Variants in PDE4D observed in about 807,000 individuals in gnomAD.
The protein encoded by PDE4D is 3',5'-cyclic-AMP phosphodiesterase 4D.
A neutral mutation model predicts 87.4 loss-of-function variants in PDE4D; 24 were observed. That is an observed-to-expected ratio of 0.27 (90% CI 0.20 to 0.39). PDE4D has a LOEUF of 0.39. Among genes scored for constraint, PDE4D ranks in the 10% least tolerant of loss-of-function variants. PDE4D has a pLI of 1.00. For missense variants in PDE4D, 714 were observed against 1,041.0 expected (o/e 0.69, Z 4.32); for synonymous variants, 384 against 383.2 (o/e 1.00, Z -0.02).
chr5:60,235,822 A>C (rs909756088), intron 1 of PDE4D, among the ~76,000 whole-genome samples: 1 of 151,886 alleles, frequency 6.6e-6, no homozygotes, highest in Non-Finnish European at 1.5e-5. Flanking sequence ...AAAATATTTC[A>C]ATATAACAGA....
intron 1 of PDE4D, among the ~76,000 whole-genome samples, chr5:60,497,855 A>G (rs1749890581): frequency 6.6e-6 from 1 of 152,166 alleles, no homozygotes; most frequent in South Asian, 2.1e-4. Flanking sequence ...CTGGTATATT[A>G]CAGACTTTGA....
At chr5:59,657,031 G>A (rs981906384) in intron 1 of PDE4D, among the ~76,000 whole-genome samples, 4 of 151,974 alleles carry the variant, frequency 2.6e-5, no homozygotes, top group Non-Finnish European at 5.9e-5. Flanking sequence ...AAAATATGAG[G>A]CACGTGGCAA....
chr5:60,177,849 C>T (rs1784056822), intron 2 of PDE4D, among the ~76,000 whole-genome samples: 1 of 151,988 alleles, frequency 6.6e-6, no homozygotes, highest in Non-Finnish European at 1.5e-5. Context: ...TAAAGCTAAG[C>T]CACAAGATAA....
chr5:59,973,269 A>C (rs1372847871), intron 3 of PDE4D, among the ~76,000 whole-genome samples: 1 of 152,202 alleles, frequency 6.6e-6, no homozygotes, highest in Non-Finnish European at 1.5e-5. Context: ...TGTGAGAAAA[A>C]TAAAAAACCA....
At chr5:60,030,935 A>G (rs1464384005) in intron 2 of PDE4D, 5 of 152,194 alleles carry the variant, frequency 3.3e-5, no homozygotes, top group African/African-American at 1.2e-4. Context: ...CAGTTGATGG[A>G]CCACTGCAAT....
chr5:59,154,493 A>C (rs1255280942), intron 5 of PDE4D, among the ~76,000 whole-genome samples: 4 of 152,172 alleles, frequency 2.6e-5, no homozygotes, highest in Admixed American at 1.3e-4. Flanking sequence ...TAGTACTATA[A>C]TTCAGGGGAG....
At chr5:59,455,509 G>C (rs1408374266) in intron 1 of PDE4D, among the ~76,000 whole-genome samples, 1 of 152,250 alleles carries the variant, frequency 6.6e-6, no homozygotes, top group African/African-American at 2.4e-5. Flanking sequence ...TCAGGCAAAA[G>C]TTTGCTGCAG....
chr5:59,856,118 C>G (rs1204227627), intron 1 of PDE4D, among the ~76,000 whole-genome samples: 1 of 152,152 alleles, frequency 6.6e-6, no homozygotes, highest in East Asian at 1.9e-4. Flanking sequence ...AGAATCATAT[C>G]ATTTTTAGCT....
intron 1 of PDE4D, among the ~76,000 whole-genome samples, chr5:59,323,213 AT>A (rs1359463491): frequency 1.3e-5 from 2 of 151,954 alleles, no homozygotes; most frequent in African/African-American, 2.4e-5. Flanking sequence ...TTCAACTAAA[AT>A]TTTTTTCTTT....
intron 2 of PDE4D, among the ~76,000 whole-genome samples, chr5:60,121,000 T>C (rs1042827009): frequency 3.3e-5 from 5 of 152,022 alleles, no homozygotes; most frequent in African/African-American, 7.2e-5. Context: ...CAGAAGAATG[T>C]GAAAACATGA....
At chr5:59,714,731 T>C (rs1449465347) in intron 1 of PDE4D, among the ~76,000 whole-genome samples, 1 of 152,244 alleles carries the variant, frequency 6.6e-6, no homozygotes, top group Non-Finnish European at 1.5e-5. Context: ...GCTGCAGGGA[T>C]ATATGCATAG....
chr5:60,504,095 G>T (rs1750216417), intron 1 of PDE4D, among the ~76,000 whole-genome samples: 1 of 152,052 alleles, frequency 6.6e-6, no homozygotes, highest in Non-Finnish European at 1.5e-5. Context: ...TAAGTCAAAG[G>T]GAATAAGGGC....
intron 1 of PDE4D, among the ~76,000 whole-genome samples, chr5:59,428,068 G>A (rs1795568791): frequency 6.6e-6 from 1 of 152,076 alleles, no homozygotes; most frequent in South Asian, 2.1e-4. Flanking sequence ...CTTTCTTGAT[G>A]TCTTCATTGC....
chr5:60,444,137 T>C (rs563668202), intron 1 of PDE4D, among the ~76,000 whole-genome samples: 1 of 152,302 alleles, frequency 6.6e-6, no homozygotes, highest in African/African-American at 2.4e-5. Flanking sequence ...TTAAGGATCC[T>C]AGAACTTCAA....
intron 1 of PDE4D, chr5:59,529,100 A>T (rs1049618433): frequency 6.4e-6 from 3 of 471,410 alleles, no homozygotes; most frequent in African/African-American, 2.0e-5. Context: ...TGTCTATTCT[A>T]ATTTCAGACT....
chr5:59,993,871 C>T (rs572871960), intron 2 of PDE4D, among the ~76,000 whole-genome samples: 18 of 151,940 alleles, frequency 1.2e-4, no homozygotes, highest in African/African-American at 4.1e-4. Context: ...AACCTGCTAC[C>T]TTGTAGTAAA....
chr5:58,986,896 A>G (rs1746559508), intron 11 of PDE4D, among the ~76,000 whole-genome samples: 1 of 152,186 alleles, frequency 6.6e-6, no homozygotes, highest in Admixed American at 6.5e-5. Context: ...CTAAGGGAAC[A>G]TATAATATGC....
intron 2 of PDE4D, among the ~76,000 whole-genome samples, chr5:60,002,993 T>A (rs989579318): frequency 1.5e-4 from 23 of 151,326 alleles, no homozygotes; most frequent in Non-Finnish European, 2.8e-4. Flanking sequence ...TTTCTATATT[T>A]AAAAAAAAAC....
chr5:59,466,248 C>G (rs1281358436), intron 1 of PDE4D, among the ~76,000 whole-genome samples: 1 of 152,194 alleles, frequency 6.6e-6, no homozygotes, highest in African/African-American at 2.4e-5. Context: ...AGTATGACTT[C>G]AGAACTTAAA....
Sources: allele counts gnomAD v4.1 joint callset (sites outside exome capture counted in the v4.1 genomes callset), GRCh38; gene constraint gnomAD v4.1.1; transcripts MANE v1.5; gene names NCBI Gene and HGNC (gene_info 2026-07-23, HGNC 2026-07-21).